Variants in CRPPA observed in about 807,000 individuals in gnomAD.
The protein encoded by CRPPA is D-ribitol-5-phosphate cytidylyltransferase.
A neutral mutation model predicts 52.0 loss-of-function variants in CRPPA; 43 were observed. The observed-to-expected ratio is 0.83, with a 90% CI of 0.65 to 1.07. The LOEUF is 1.07. CRPPA is among the 50% of genes least tolerant of loss of function. CRPPA has a pLI of 0.00. For missense variants in CRPPA, 629 were observed against 551.7 expected, an observed-to-expected ratio of 1.14 and a Z score of -1.40; for synonymous variants, 250 against 203.5, an observed-to-expected ratio of 1.23 and a Z score of -1.94.
At chr7:16,420,738 TCTC>T (rs1266334129) in intron 1 of CRPPA, among the ~76,000 whole-genome samples, 1 of 152,088 alleles carries the variant, frequency 6.6e-6, no homozygotes, top group Non-Finnish European at 1.5e-5. Flanking sequence ...CCGCACAGCT[TCTC>T]CTCAGGCCCC....
intron 8 of CRPPA, among the ~76,000 whole-genome samples, chr7:16,227,385 A>T (rs758988478): frequency 2.0e-5 from 3 of 151,760 alleles, no homozygotes; most frequent in African/African-American, 7.3e-5. Context: ...TTTTCTCCAT[A>T]TTCTTGTCAA....
intron 9 of CRPPA, among the ~76,000 whole-genome samples, chr7:16,145,464 A>G (rs560693927): frequency 3.9e-5 from 6 of 152,336 alleles, no homozygotes; most frequent in African/African-American, 1.2e-4. Flanking sequence ...GAAAGAAATT[A>G]ATAAACCCTC....
intron 2 of CRPPA, among the ~76,000 whole-genome samples, chr7:16,403,451 T>C (rs530217855): frequency 6.6e-6 from 1 of 152,296 alleles, no homozygotes; most frequent in Non-Finnish European, 1.5e-5. Context: ...TTAGCATACA[T>C]AACCCACCCC....
At chr7:16,362,101 G>A (rs937269192) in intron 3 of CRPPA, among the ~76,000 whole-genome samples, 4 of 152,104 alleles carry the variant, frequency 2.6e-5, no homozygotes, top group Admixed American at 6.6e-5. Context: ...TGATCCGCCC[G>A]CCTCAGCCTC....
At chr7:16,145,195 G>C (rs1018024325) in intron 9 of CRPPA, among the ~76,000 whole-genome samples, 2 of 152,176 alleles carry the variant, frequency 1.3e-5, no homozygotes, top group East Asian at 3.8e-4. Context: ...ACATGCCCAG[G>C]CAGAAGCATG....
intron 9 of CRPPA, among the ~76,000 whole-genome samples, chr7:16,114,055 T>C (rs1271684525): frequency 6.6e-6 from 1 of 151,900 alleles, no homozygotes; most frequent in African/African-American, 2.4e-5. Context: ...AAACTTGAAA[T>C]GCTCTAAGAT....
intron 6 of CRPPA, among the ~76,000 whole-genome samples, chr7:16,263,293 A>T (rs1206951578): frequency 2.6e-5 from 4 of 152,166 alleles, no homozygotes; most frequent in Admixed American, 6.5e-5. Flanking sequence ...CTTCAACACA[A>T]ATATTCTTAA....
At chr7:16,101,263 G>T (rs1050940563) in intron 9 of CRPPA, among the ~76,000 whole-genome samples, 6 of 152,092 alleles carry the variant, frequency 3.9e-5, no homozygotes, top group Non-Finnish European at 7.4e-5. Flanking sequence ...GTAGAATTCG[G>T]CTGTGAATCT....
intron 8 of CRPPA, among the ~76,000 whole-genome samples, chr7:16,254,216 A>C (rs910068637): frequency 6.6e-6 from 1 of 152,140 alleles, no homozygotes; most frequent in Non-Finnish European, 1.5e-5. Flanking sequence ...AATACCATTT[A>C]ACCCAGAGAT....
intron 6 of CRPPA, among the ~76,000 whole-genome samples, chr7:16,271,790 C>A (rs1380603868): frequency 6.6e-6 from 1 of 152,144 alleles, no homozygotes; most frequent in Non-Finnish European, 1.5e-5. Context: ...CACAATTTGA[C>A]ATTTTAATTT....
chr7:16,248,819 C>T (rs1482739932), intron 8 of CRPPA, among the ~76,000 whole-genome samples: 1 of 152,120 alleles, frequency 6.6e-6, no homozygotes, highest in African/African-American at 2.4e-5. Flanking sequence ...CCAAGGGAAG[C>T]CATGACAGAC....
intron 9 of CRPPA, among the ~76,000 whole-genome samples, chr7:16,191,116 T>C (rs943593455): frequency 2.6e-5 from 4 of 152,290 alleles, no homozygotes; most frequent in Admixed American, 2.0e-4. Context: ...CAAGTATCTT[T>C]TTTGTATAAT....
At chr7:16,347,849 T>A (rs960900011) in intron 3 of CRPPA, among the ~76,000 whole-genome samples, 3 of 152,062 alleles carry the variant, frequency 2.0e-5, no homozygotes, top group Non-Finnish European at 2.9e-5. Context: ...AACCTAAGTT[T>A]CCTTATGGCT....
At chr7:16,222,574 A>T (rs1490583742) in intron 8 of CRPPA, among the ~76,000 whole-genome samples, 1 of 152,222 alleles carries the variant, frequency 6.6e-6, no homozygotes, top group Non-Finnish European at 1.5e-5. Context: ...GGTGAGATAG[A>T]AATACAGTAT....
intron 9 of CRPPA, among the ~76,000 whole-genome samples, chr7:16,109,993 A>G (rs1042179477): frequency 4.6e-5 from 7 of 152,094 alleles, no homozygotes; most frequent in Admixed American, 4.6e-4. Context: ...CCAAACAGAA[A>G]AGAAGTGAAA....
rs774867353 is a variant in CRPPA, at chr7:16,406,082, G to A, written c.513C>T (p.Val171=). The change falls in exon 2 of 10, where the codon GTC becomes GTT. Residue 171 remains valine, a synonymous_variant. Coordinates refer to ENST00000407010, the MANE Select transcript of CRPPA (RefSeq NM_001101426.4). Reference sequence around the variant, plus strand: ...TTACCCCGTGTTCCTTAGCAGCTGTGACAACTTTAAGAAGGACACCTTCCT... The same window carrying A: ...TTACCCCGTGTTCCTTAGCAGCTGTAACAACTTTAAGAAGGACACCTTCCT... ...FVEEGVLLKV[V]TAAKEHGAAG... 1.9e-6 allele frequency: 3 copies of A among 1,613,614 alleles called. No individual in the cohort carries two copies. The highest frequency in any genetic ancestry group is 2.5e-6 in the Non-Finnish European group (3 of 1,179,694).
At chr7:16,254,894 C>A (rs1264684869) in intron 8 of CRPPA, among the ~76,000 whole-genome samples, 1 of 151,404 alleles carries the variant, frequency 6.6e-6, no homozygotes, top group East Asian at 1.9e-4. Context: ...ATAAGGATGC[C>A]CCCTCTCACC....
intron 9 of CRPPA, among the ~76,000 whole-genome samples, chr7:16,120,615 T>C (rs562626679): frequency 3.7e-4 from 57 of 152,282 alleles, no homozygotes; most frequent in Non-Finnish European, 7.1e-4. Context: ...GCTCCTCGTC[T>C]TGTTCCTTGG....
chr7:16,301,226 T>C (rs999111932), intron 5 of CRPPA, among the ~76,000 whole-genome samples, 195 bp downstream of exon 5: 1 of 152,200 alleles, frequency 6.6e-6, no homozygotes, highest in South Asian at 2.1e-4. Flanking sequence ...TTAAAATCAA[T>C]GTGGTATCAT....
Sources: allele counts gnomAD v4.1 joint callset (sites outside exome capture counted in the v4.1 genomes callset), GRCh38; gene constraint gnomAD v4.1.1; transcripts MANE v1.5; gene names NCBI Gene and HGNC (gene_info 2026-07-23, HGNC 2026-07-21).